The following ERGIC3 variants were observed in gnomAD, a reference collection of about 807,000 sequenced individuals.
ERGIC3 encodes the protein ERGIC and golgi 3, also known as endoplasmic reticulum-Golgi intermediate compartment protein 3.
Under a neutral mutation model 54.7 loss-of-function variants are expected in ERGIC3, and 33 were observed. That is an observed-to-expected ratio of 0.60 (90% confidence interval 0.46 to 0.81). The LOEUF (loss-of-function observed/expected upper bound fraction) is 0.81, where lower values mean the gene tolerates loss of function less well. Among genes scored for constraint, ERGIC3 ranks in the 30% least tolerant of loss-of-function variants. The pLI is 0.00. For synonymous variants in ERGIC3, 186 were observed against 189.8 expected (o/e 0.98, Z 0.16); for missense variants, 399 against 488.4 (o/e 0.82, Z 1.73).
chr20:35,556,991 TTC>T lies in ERGIC3; in HGVS notation c.902_903del (p.Ser301CysfsTer5), dbSNP rs1376925974. 3 of 1,614,088 alleles carry T rather than the reference TTC, an allele frequency of 1.9e-6. No individual in the cohort carries two copies. Among genetic ancestry groups the T allele is most frequent in the African/African-American group, 2.7e-5 (2 of 74,936 alleles). On this transcript the variant is annotated frameshift_variant, in exon 11 of 13. Coordinates refer to ENST00000348547, the MANE Select transcript of ERGIC3 (RefSeq NM_015966.3). LOFTEE classifies it high-confidence loss of function. Reference sequence around the variant, plus strand: ...ACCCCAGGTACTGAGGACAAATCAGTTCTCTGTGACCAGACATGAGAAGGTTG... The same window carrying T: ...ACCCCAGGTACTGAGGACAAATCAGTTCTGTGACCAGACATGAGAAGGTTG... The part of the protein sequence containing the change: ...VDGEVLRTNQ[F>X]SVTRHEKVAN...
intron 5 of ERGIC3, 89 bp downstream of exon 5, chr20:35,547,594 G>A: frequency 4.9e-6 from 6 of 1,217,452 alleles, no homozygotes; most frequent in Non-Finnish European, 7.2e-6. Flanking sequence ...CAGGTGGGGA[G>A]GTCAGACCAA....
chr20:35,551,857 G>A (rs562083862), intron 7 of ERGIC3, among the ~76,000 whole-genome samples: 1 of 152,292 alleles, frequency 6.6e-6, no homozygotes, highest in East Asian at 1.9e-4. Context: ...GGAGGGAATG[G>A]GGGAGGAGTT....
chr20:35,549,797 C>T (rs1464267825), intron 7 of ERGIC3: 2 of 152,280 alleles, frequency 1.3e-5, no homozygotes, highest in East Asian at 1.9e-4. Flanking sequence ...CCACCACGCC[C>T]AGCTAAGTTT....
rs757865538 is a variant in ERGIC3, at chr20:35,556,880, C to T, written c.880-93C>T. 7 of 1,568,532 alleles carry T rather than the reference C, an allele frequency of 4.5e-6. No individual in the cohort carries two copies. In the African/African-American group the frequency reaches 5.4e-5, roughly 12 times the overall value. On this transcript the variant is annotated intron_variant, in intron 10 of 12. Coordinates refer to ENST00000348547, the MANE Select transcript of ERGIC3 (RefSeq NM_015966.3). Reference sequence around the variant, plus strand: ...GTTCTCTCCTTACACGGCCAAGGCTCAACAGGAAAGGGGAAGGAGCAGGGG... The same window carrying T: ...GTTCTCTCCTTACACGGCCAAGGCTTAACAGGAAAGGGGAAGGAGCAGGGG...
chr20:35,542,961 G>C lies in ERGIC3; in HGVS notation c.367+20G>C, dbSNP rs774763191. The C allele has an allele frequency of 1.9e-6, 3 of 1,613,162 alleles. No individual in the cohort carries two copies. Among genetic ancestry groups the C allele is most frequent in the Non-Finnish European group, 1.7e-6 (2 of 1,179,782 alleles). On this transcript the variant is annotated intron_variant, in intron 4 of 12. Coordinates refer to ENST00000348547, the MANE Select transcript of ERGIC3 (RefSeq NM_015966.3). ...GGCATGGTAACCAGGGGAGGGGGCCGGGTCTCAGATCCCAAAGCTGGATGT... is the reference window on the plus strand; with the variant it reads ...GGCATGGTAACCAGGGGAGGGGGCCCGGTCTCAGATCCCAAAGCTGGATGT...
chr20:35,556,034 TC>T lies in ERGIC3; in HGVS notation c.720del (p.Asn241ThrfsTer2). On this transcript the variant is annotated frameshift_variant and splice_region_variant, in exon 9 of 13. Coordinates refer to ENST00000348547, the MANE Select transcript of ERGIC3 (RefSeq NM_015966.3). LOFTEE classifies it high-confidence loss of function. ...HDLQSFGLDNINMTHYIQHLS... is the reference protein window; with the variant it reads ...HDLQSFGLDNXNMTHYIQHLS... ...AGCTCTGGATGGTGTTGTTTACAGATCAACATGACCCACTACATCCAGCACC... is the reference window on the plus strand; with the variant it reads ...AGCTCTGGATGGTGTTGTTTACAGATAACATGACCCACTACATCCAGCACC... 6.2e-7 allele frequency: 1 copy of T among 1,613,878 alleles called. No individual in the cohort carries two copies. Among genetic ancestry groups the T allele is most frequent in the Non-Finnish European group, 8.5e-7 (1 of 1,179,876 alleles).
chr20:35,556,167 C>T (rs896795265), intron 9 of ERGIC3, 38 bp downstream of exon 9: 17 of 1,614,000 alleles, frequency 1.1e-5, no homozygotes, highest in East Asian at 2.2e-5. Flanking sequence ...CGCAGAAGGC[C>T]GGCCGGGCAC....
intron 7 of ERGIC3, chr20:35,554,430 G>T: frequency 6.2e-7 from 1 of 1,612,914 alleles, no homozygotes. Flanking sequence ...CTACTTCTGG[G>T]GCAGCCTGCC....
rs141438822 is a variant in ERGIC3, at chr20:35,553,020, A to ATTTTTT, written c.686-2001_686-1996dup. Among the ~76,000 whole-genome samples the ATTTTTT allele has an allele frequency of 1.2e-3, 49 of 41,562 alleles. 14 individuals carry two copies. Among genetic ancestry groups the ATTTTTT allele is most frequent in the Admixed American group, 1.8e-3 (4 of 2,214 alleles). The allele number at this position is 41,562 out of a possible 152,430, so 27.3% of individuals were successfully genotyped here. A position where few individuals can be genotyped will look rare whatever the true frequency, so the allele number is the denominator to read the frequency against. On this transcript the variant is annotated intron_variant, in intron 7 of 12. Coordinates refer to ENST00000348547, the MANE Select transcript of ERGIC3 (RefSeq NM_015966.3). Reference sequence around the variant, plus strand: ...TTTGCCCTGAGCTTCAAAGCTGGGGATTTTTTTTTTTTTTTTTTTTTTTTT... The same window carrying ATTTTTT: ...TTTGCCCTGAGCTTCAAAGCTGGGGATTTTTTTTTTTTTTTTTTTTTTTTTTTTTTT...
At position 35,550,670 on chromosome 20, in the gene ERGIC3, A is replaced by C. The variant is rs535146902; in HGVS notation, c.685+1805A>C. Among the ~76,000 whole-genome samples the C allele has an allele frequency of 2.6e-5, 4 of 152,274 alleles. No homozygotes were observed. In the East Asian group the frequency reaches 7.7e-4, roughly 29 times the overall value. On this transcript the variant is annotated intron_variant, in intron 7 of 12. Transcript: ENST00000348547. The stretch of plus-strand genomic sequence containing the variant: ...CAGGGCCATATCATGCAGGGCTTGC[A>C]GGGGCATTGTAGGGACTCGGGCCGT...
chr20:35,544,006 A>G, intron 4 of ERGIC3: 1 of 275,344 alleles, frequency 3.6e-6, no homozygotes, highest in African/African-American at 2.2e-5. Context: ...GGGGCACTGA[A>G]GAATCTACTA....
intron 8 of ERGIC3, among the ~76,000 whole-genome samples, chr20:35,555,539 C>T (rs1158012585): frequency 6.6e-6 from 1 of 152,160 alleles, no homozygotes; most frequent in African/African-American, 2.4e-5. Context: ...GAGGCTGATA[C>T]ACAAGGGAGC....
At position 35,545,385 on chromosome 20, in the gene ERGIC3, C is replaced by G. The variant is rs557965818; in HGVS notation, c.368-2027C>G. ...CCAGCCTGGCCAACATGGTAAAACC[C>G]CATCTCTACTAAAAAATACAAAAAA... On this transcript the variant is annotated intron_variant, in intron 4 of 12. Coordinates refer to ENST00000348547, the MANE Select transcript of ERGIC3 (RefSeq NM_015966.3). 3 of 151,524 alleles carry G rather than the reference C, an allele frequency of 2.0e-5. No individual in the cohort carries two copies. The South Asian group carries it at 6.3e-4, about 32-fold the overall frequency. The allele number at this position is 151,524 out of a possible 1,614,324, so 9.4% of individuals were successfully genotyped here.
Position 35,548,694 on chromosome 20 carries a change from C to G in ERGIC3, c.627+20C>G. 6.2e-7 allele frequency: 1 copy of G among 1,614,180 alleles called. No individual in the cohort carries two copies. Among genetic ancestry groups the G allele is most frequent in the East Asian group, 2.2e-5 (1 of 44,890 alleles). ...AATAAGGTATCAGGAGGGATCAAGA[C>G]AAGATAGGGCCAGCTGGGCTGGGCA... On this transcript the variant is annotated intron_variant, in intron 6 of 12. Transcript: ENST00000348547.
Position 35,548,731 on chromosome 20 carries a change from G to A in ERGIC3, c.627+57G>A, listed in dbSNP as rs867087855. ...AGCTGGGCTGGGCAAGCTCCACTGG[G>A]AACCGAGGGCCCAGTCAGGCCCTGA... On this transcript the variant is annotated intron_variant, in intron 6 of 12. Coordinates refer to ENST00000348547, the MANE Select transcript of ERGIC3 (RefSeq NM_015966.3). 1.2e-5 allele frequency: 20 copies of A among 1,613,904 alleles called. No homozygotes were observed. In the Middle Eastern group the frequency reaches 4.9e-4, roughly 40 times the overall value.
chr20:35,553,898 T>C (rs1407426112), intron 7 of ERGIC3, among the ~76,000 whole-genome samples: 1 of 152,158 alleles, frequency 6.6e-6, no homozygotes, highest in Non-Finnish European at 1.5e-5. Flanking sequence ...TTTGGAAGGA[T>C]GTATAAATGC....
Position 35,557,563 on chromosome 20 carries a change from C to T in ERGIC3, c.*59C>T. On this transcript the variant is annotated 3_prime_UTR_variant, in exon 13 of 13. Coordinates refer to ENST00000348547, the MANE Select transcript of ERGIC3 (RefSeq NM_015966.3). ...CCCTGGCCTGTGGTTGTCCCCCAGC[C>T]TCTGCCACCCTCCACCTCCTCGGTC... The T allele has an allele frequency of 2.1e-6, 3 of 1,442,678 alleles. No individual in the cohort carries two copies. Among genetic ancestry groups the T allele is most frequent in the Non-Finnish European group, 2.9e-6 (3 of 1,026,290 alleles). The allele number at this position is 1,442,678 out of a possible 1,614,324, so 89.4% of individuals were successfully genotyped here. A position where few individuals can be genotyped will look rare whatever the true frequency, so the allele number is the denominator to read the frequency against.
intron 8 of ERGIC3, among the ~76,000 whole-genome samples, 199 bp from the exon 9 acceptor site, chr20:35,555,834 A>C (rs1184355138): frequency 1.3e-5 from 2 of 151,712 alleles, no homozygotes; most frequent in Non-Finnish European, 2.9e-5. Context: ...AAAAAAAGAA[A>C]AATCTGGAAC....
Position 35,556,986 on chromosome 20 carries a change from A to G in ERGIC3, c.893A>G (p.Asn298Ser). The G allele has an allele frequency of 6.2e-7, 1 of 1,614,164 alleles. No individual in the cohort carries two copies. The highest frequency in any genetic ancestry group is 8.5e-7 in the Non-Finnish European group (1 of 1,180,018). Residue 298 changes from asparagine (N) to serine (S), a missense_variant, in exon 11 of 13, where the codon AAT becomes AGT. Asn to Ser is a conservative substitution (Grantham distance 46). Coordinates refer to ENST00000348547, the MANE Select transcript of ERGIC3 (RefSeq NM_015966.3). ...MKVDGEVLRT[N>S]QFSVTRHEKV... is the part of the protein sequence containing the mutation. ...CTCCCACCCCAGGTACTGAGGACAA[A>G]TCAGTTCTCTGTGACCAGACATGAG...
Sources: allele counts gnomAD v4.1 joint callset (sites outside exome capture counted in the v4.1 genomes callset), GRCh38; gene constraint gnomAD v4.1.1; transcripts MANE v1.5; gene names NCBI Gene and HGNC (gene_info 2026-07-23, HGNC 2026-07-21).